UNC5C: variants seen among roughly 807,000 people sequenced by gnomAD.
The protein encoded by UNC5C is netrin receptor UNC5C.
Under a neutral mutation model 99.8 loss-of-function variants are expected in UNC5C, and 47 were observed. That is an observed-to-expected ratio of 0.47 (90% CI 0.37 to 0.60). The LOEUF is 0.60. UNC5C is among the 20% of genes least tolerant of loss of function. The pLI, the probability that UNC5C is intolerant of heterozygous loss-of-function variation, is 0.00. For synonymous variants in UNC5C, 487 were observed against 452.2 expected, an observed-to-expected ratio of 1.08 and a Z score of -0.98; for missense variants, 1,062 against 1,165.9, an observed-to-expected ratio of 0.91 and a Z score of 1.30.
rs371642965 is a variant in UNC5C, at chr4:95,220,121, G to A, written c.1164C>T (p.Ile388=). Residue 388 remains isoleucine (I), a synonymous_variant, in exon 8 of 16, where the codon ATC becomes ATT. Coordinates refer to ENST00000453304, the MANE Select transcript of UNC5C (RefSeq NM_003728.4). ...ALYVGIVIAV[I]VCLAISVVVA... ...CAACTACAGAGATCGCCAGGCAAAC[G>A]ATCACTGCTATCACAATCCCAACAT... 66 of 1,613,930 alleles carry A rather than the reference G, an allele frequency of 4.1e-5. No individual in the cohort carries two copies. The highest frequency in any genetic ancestry group is 9.3e-6 in the Non-Finnish European group (11 of 1,179,982).
At chr4:95,262,995 GT>G (rs1579278777) in intron 4 of UNC5C, among the ~76,000 whole-genome samples, 1 of 152,118 alleles carries the variant, frequency 6.6e-6, no homozygotes, top group East Asian at 1.9e-4. Flanking sequence ...TGTATTTTTA[GT>G]AGAGACGGGG....
At chr4:95,363,355 G>C (rs543366089) in intron 1 of UNC5C, among the ~76,000 whole-genome samples, 1 of 152,106 alleles carries the variant, frequency 6.6e-6, no homozygotes, top group South Asian at 2.1e-4. Context: ...GGATTACAGA[G>C]GTCTTCGGGC....
chr4:95,379,568 G>A (rs1396849603), intron 1 of UNC5C, among the ~76,000 whole-genome samples: 1 of 152,144 alleles, frequency 6.6e-6, no homozygotes, highest in Admixed American at 6.6e-5. Context: ...CAGTACACAT[G>A]TGTGAGCTTT....
intron 1 of UNC5C, among the ~76,000 whole-genome samples, chr4:95,405,811 T>A (rs1745817559): frequency 6.6e-6 from 1 of 152,212 alleles, no homozygotes; most frequent in Non-Finnish European, 1.5e-5. Flanking sequence ...TGATATATTT[T>A]CTCACTGCCT....
At position 95,364,627 on chromosome 4, in the gene UNC5C, G is replaced by A. The variant is rs1404573957; in HGVS notation, c.125-28996C>T. Among the ~76,000 whole-genome samples the A allele has an allele frequency of 9.9e-5, 15 of 152,256 alleles. No homozygotes were observed. The East Asian group carries it at 2.3e-3, about 24-fold the overall frequency. On this transcript the variant is annotated intron_variant, in intron 1 of 15. Coordinates refer to ENST00000453304, the MANE Select transcript of UNC5C (RefSeq NM_003728.4). ...GACCCAGAGCCCAGGCTCAAAGGCC[G>A]GGTGACAGATTTCAAATGAGTGCCT...
At chr4:95,174,181 T>TA (rs541735140) in intron 14 of UNC5C, among the ~76,000 whole-genome samples, 6 of 152,158 alleles carry the variant, frequency 3.9e-5, no homozygotes, top group Admixed American at 1.3e-4. Flanking sequence ...ATGGATCCTT[T>TA]AAAAAAACCA....
Position 95,170,313 on chromosome 4 carries a change from A to G in UNC5C, c.2471T>C (p.Leu824Ser). The G allele has an allele frequency of 6.2e-7, 1 of 1,614,200 alleles. No individual in the cohort carries two copies. Among genetic ancestry groups the G allele is most frequent in the South Asian group, 1.1e-5 (1 of 91,080 alleles). ...GGTGTTCGCAGGATCCAGCAGCGGC[A>G]AATCGATGCCAGTAGGTTCCTGTAG... Reference protein sequence around the residue: ...TVSEEPTGIDLPLLDPANTIT... With the variant: ...TVSEEPTGIDSPLLDPANTIT... Residue 824 changes from leucine to serine, a missense_variant, in exon 15 of 16, where the codon TTG becomes TCG. Physicochemically the swap from Leu to Ser is moderately radical, Grantham distance 145. Around this residue, in one of 3 missense-constraint regions of UNC5C, gnomAD observed 810 missense variants for 854.5 expected, o/e 0.95. Transcript: ENST00000453304.
At chr4:95,330,560 A>G (rs1026832729) in intron 2 of UNC5C, among the ~76,000 whole-genome samples, 2 of 152,078 alleles carry the variant, frequency 1.3e-5, no homozygotes, top group Non-Finnish European at 2.9e-5. Flanking sequence ...TACATAGGAA[A>G]GTTGGTTGGT....
chr4:95,395,765 G>T (rs1049867691), intron 1 of UNC5C, among the ~76,000 whole-genome samples: 42 of 152,194 alleles, frequency 2.8e-4, no homozygotes, highest in Middle Eastern at 3.4e-3. Context: ...AAAGCTGTAG[G>T]GCAGAGAGAA....
chr4:95,473,044 C>T (rs1048804244), intron 1 of UNC5C, among the ~76,000 whole-genome samples: 1 of 151,632 alleles, frequency 6.6e-6, no homozygotes, highest in Non-Finnish European at 1.5e-5. Flanking sequence ...ATATCTTATA[C>T]CTTGCTCCCA....
chr4:95,261,141 G>C (rs1038593600), intron 4 of UNC5C, among the ~76,000 whole-genome samples: 1 of 152,144 alleles, frequency 6.6e-6, no homozygotes, highest in African/African-American at 2.4e-5. Flanking sequence ...CAGATTACGA[G>C]ATAGGGGCTG....
intron 1 of UNC5C, among the ~76,000 whole-genome samples, chr4:95,448,263 A>AGAGAGAGAGAGAG (rs1420042351): frequency 1.4e-4 from 20 of 139,096 alleles, no homozygotes; most frequent in South Asian, 4.6e-4. Context: ...AGAGAGAGAG[A>AGAGAGAGAGAGAG]AAGCCTGATT....
chr4:95,335,278 A>T, intron 2 of UNC5C, 132 bp downstream of exon 2: 1 of 853,300 alleles, frequency 1.2e-6, no homozygotes, highest in South Asian at 2.2e-5. Flanking sequence ...CCTTAACCAA[A>T]CCAATTCAAA....
In UNC5C at chr4:95,421,442, G is replaced by A. The variant is rs780487338; in HGVS notation, c.125-85811C>T. Among the ~76,000 whole-genome samples, 60 of 151,120 alleles carry A rather than the reference G, an allele frequency of 4.0e-4. 1 individual carries two copies. Among genetic ancestry groups the A allele is most frequent in the Admixed American group, 3.1e-3 (47 of 15,162 alleles). ...ATAAATTATATCCAACATATTTATC[G>A]AACATCTATTTGAATGCTTGTTGTT... On this transcript the variant is annotated intron_variant, in intron 1 of 15. Coordinates refer to ENST00000453304, the MANE Select transcript of UNC5C (RefSeq NM_003728.4).
chr4:95,381,848 T>G (rs571224534), intron 1 of UNC5C, among the ~76,000 whole-genome samples: 51 of 152,300 alleles, frequency 3.3e-4, no homozygotes, highest in African/African-American at 1.2e-3. Context: ...ACTTTCATAT[T>G]GGTATGATGC....
chr4:95,511,117 G>A (rs1722058919), intron 1 of UNC5C, among the ~76,000 whole-genome samples: 1 of 152,118 alleles, frequency 6.6e-6, no homozygotes, highest in Admixed American at 6.6e-5. Flanking sequence ...ATTCATCCAA[G>A]AGAAATGCCT....
At chr4:95,433,479 G>T (rs1030530879) in intron 1 of UNC5C, among the ~76,000 whole-genome samples, 3 of 151,846 alleles carry the variant, frequency 2.0e-5, no homozygotes, top group Non-Finnish European at 4.4e-5. Flanking sequence ...AAGAAATTTT[G>T]CAGTGAATAT....
chr4:95,205,598 A>AATC (rs1175627392), intron 11 of UNC5C, among the ~76,000 whole-genome samples: 2 of 152,332 alleles, frequency 1.3e-5, no homozygotes, highest in African/African-American at 4.8e-5. Flanking sequence ...TATCATAAGT[A>AATC]ATCACAAAGC....
intron 1 of UNC5C, among the ~76,000 whole-genome samples, chr4:95,547,759 C>G (rs1181258749): frequency 6.6e-6 from 1 of 152,196 alleles, no homozygotes; most frequent in Non-Finnish European, 1.5e-5. Context: ...CCCTTCCAGT[C>G]AGCTTTCCCG....
Sources: gnomAD v4.1 joint callset for allele counts (sites outside exome capture counted in the v4.1 genomes callset) on GRCh38, gnomAD v4.1.1 for gene constraint, gnomAD v4.1.1 regional missense constraint, MANE v1.5 for transcripts, NCBI Gene and HGNC (gene_info 2026-07-23, HGNC 2026-07-21) for gene names.